DSE: variants seen among roughly 807,000 people sequenced by gnomAD.
The protein encoded by DSE is dermatan sulfate epimerase, also known as dermatan-sulfate epimerase.
A neutral mutation model predicts 84.4 loss-of-function variants in DSE; 36 were observed. The ratio of observed to expected loss-of-function variants is 0.43; its 90% CI spans 0.33 to 0.56. DSE has a LOEUF of 0.56. DSE is among the 20% of genes least tolerant of loss of function. The pLI, the probability that DSE is intolerant of heterozygous loss-of-function variation, is 0.06. For synonymous variants in DSE, 410 were observed against 430.1 expected (o/e 0.95, Z 0.58); for missense variants, 862 against 1,169.6 (o/e 0.74, Z 3.84).
At chr6:116,344,674 C>G (rs974002625) in intron 2 of DSE, among the ~76,000 whole-genome samples, 1 of 151,792 alleles carries the variant, frequency 6.6e-6, no homozygotes, top group Admixed American at 6.6e-5. Flanking sequence ...AGCCACATGC[C>G]AAATTGTAAA....
chr6:116,344,657 C>T (rs112939637), intron 2 of DSE, among the ~76,000 whole-genome samples: 10 of 152,224 alleles, frequency 6.6e-5, no homozygotes, highest in East Asian at 3.9e-4. Context: ...AAGGAACAAC[C>T]GATATCAGCC....
intron 2 of DSE, among the ~76,000 whole-genome samples, chr6:116,416,349 CTGTGTG>C (rs59237926): frequency 0.019 from 2,551 of 133,978 alleles, 25 homozygotes; most frequent in Non-Finnish European, 0.023. Context: ...CTAATTGCCA[CTGTGTG>C]TGTGTGTGTG....
At chr6:116,371,233 C>A in intron 1 of DSE, 112 bp downstream of exon 1, 2 of 980,190 alleles carry the variant, frequency 2.0e-6, no homozygotes, top group Non-Finnish European at 2.4e-6. Context: ...AGACGGAGAG[C>A]CACGTCCCCG....
intron 2 of DSE, among the ~76,000 whole-genome samples, chr6:116,286,801 T>C (rs1478993025): frequency 6.6e-6 from 1 of 152,160 alleles, no homozygotes; most frequent in African/African-American, 2.4e-5. Flanking sequence ...GTGATGAGGT[T>C]TTCTGAAATG....
chr6:116,363,391 G>GTA (rs531728872), intron 2 of DSE, among the ~76,000 whole-genome samples: 20 of 151,616 alleles, frequency 1.3e-4, no homozygotes, highest in Admixed American at 3.9e-4. Context: ...GTGTGTGTGT[G>GTA]TATATATATA....
chr6:116,278,200 A>C, intron 2 of DSE: 4 of 342,968 alleles, frequency 1.2e-5, no homozygotes, highest in Non-Finnish European at 1.7e-5. Flanking sequence ...GGCCCTGGGA[A>C]TAAACAGGGT....
chr6:116,384,371 G>A (rs1780442875), intron 1 of DSE, among the ~76,000 whole-genome samples: 2 of 152,170 alleles, frequency 1.3e-5, no homozygotes, highest in South Asian at 4.1e-4. Context: ...AGACATTCAG[G>A]CAGTGGTCTG....
At chr6:116,281,743 GT>G in intron 2 of DSE, among the ~76,000 whole-genome samples, 1 of 152,344 alleles carries the variant, frequency 6.6e-6, no homozygotes, top group East Asian at 1.9e-4. Context: ...TTATTAAAAT[GT>G]TAAATAAAGG....
Position 116,435,884 on chromosome 6 carries a change from G to T in DSE, c.1416G>T (p.Leu472=). 1.2e-6 allele frequency: 2 copies of T among 1,614,132 alleles called. No homozygotes were observed. Among genetic ancestry groups the T allele is most frequent in the Non-Finnish European group, 1.7e-6 (2 of 1,180,020 alleles). The change falls in exon 6 of 6, where the codon CTG becomes CTT. Residue 472 remains leucine, a synonymous_variant. Transcript: ENST00000644252. ...PNGVPFITEA[L]YGPKYTFFNN... is the part of the protein sequence containing the mutation. The stretch of plus-strand genomic sequence containing the variant: ...GTGTGCCTTTCATTACTGAGGCTCT[G>T]TACGGGCCAAAGTACACCTTCTTCA...
intron 2 of DSE, among the ~76,000 whole-genome samples, chr6:116,414,166 G>C (rs899156104): frequency 4.6e-5 from 7 of 152,116 alleles, no homozygotes; most frequent in African/African-American, 1.7e-4. Context: ...TTCTCTCTCA[G>C]TTCTGGAAGC....
intron 1 of DSE, among the ~76,000 whole-genome samples, chr6:116,387,220 A>G (rs569415847): frequency 6.6e-6 from 1 of 152,286 alleles, no homozygotes; most frequent in South Asian, 2.1e-4. Context: ...GAGGAAAGTT[A>G]CCCTGGAGGT....
chr6:116,384,538 T>C (rs1026844433), intron 1 of DSE, among the ~76,000 whole-genome samples: 17 of 152,196 alleles, frequency 1.1e-4, no homozygotes, highest in African/African-American at 3.9e-4. Flanking sequence ...CGGCTCTCAG[T>C]AAACTCTGTG....
At chr6:116,280,123 GACGACCC>G in intron 2 of DSE, 3 of 477,708 alleles carry the variant, frequency 6.3e-6, no homozygotes, top group Non-Finnish European at 1.2e-5. Context: ...TGGAAGCGCG[GACGACCC>G]ACCTTGAGAT....
intron 1 of DSE, among the ~76,000 whole-genome samples, chr6:116,388,546 C>T (rs1011964573): frequency 6.6e-6 from 1 of 152,124 alleles, no homozygotes; most frequent in Admixed American, 6.5e-5. Flanking sequence ...ATTGGTGATA[C>T]AGAATTAAAG....
intron 2 of DSE, among the ~76,000 whole-genome samples, chr6:116,321,750 G>A (rs979409914): frequency 3.9e-5 from 6 of 152,102 alleles, no homozygotes; most frequent in African/African-American, 1.4e-4. Context: ...CTCCAGCCCG[G>A]GTGGACAGTG....
intron 2 of DSE, among the ~76,000 whole-genome samples, chr6:116,320,528 G>A (rs2114758623): frequency 6.6e-6 from 1 of 152,136 alleles, no homozygotes; most frequent in East Asian, 1.9e-4. Context: ...TCCTCCTTTA[G>A]GGAAGGAGGT....
chr6:116,418,709 T>G (rs1459961693), intron 2 of DSE, among the ~76,000 whole-genome samples: 1 of 152,188 alleles, frequency 6.6e-6, no homozygotes, highest in Non-Finnish European at 1.5e-5. Context: ...GGCTCAGTTC[T>G]TATTGCAAAC....
At chr6:116,315,657 C>T (rs1726080073) in intron 2 of DSE, among the ~76,000 whole-genome samples, 1 of 152,108 alleles carries the variant, frequency 6.6e-6, no homozygotes, top group Admixed American at 6.5e-5. Context: ...GCTTCCAAGC[C>T]ATGGTTCATC....
chr6:116,258,793 G>A (rs755997814), exon 2 of DSE: 10 of 1,609,602 alleles, frequency 6.2e-6, no homozygotes, highest in Non-Finnish European at 8.5e-6. Context: ...GACCTGCAGA[G>A]GGTTCTCGCC....
Sources: gnomAD v4.1 joint callset for allele counts (sites outside exome capture counted in the v4.1 genomes callset) on GRCh38, gnomAD v4.1.1 for gene constraint, MANE v1.5 for transcripts, NCBI Gene and HGNC (gene_info 2026-07-23, HGNC 2026-07-21) for gene names.